Variants in EIF5B observed in about 807,000 individuals in gnomAD.
EIF5B encodes eukaryotic translation initiation factor 5B.
EIF5B carries 47 observed loss-of-function variants against 147.5 expected under a neutral mutation model. The ratio of observed to expected loss-of-function variants is 0.32; its 90% CI spans 0.25 to 0.41. The LOEUF (loss-of-function observed/expected upper bound fraction) is 0.41. EIF5B is among the 10% of genes least tolerant of loss of function. The pLI is 1.00. For synonymous variants in EIF5B, 455 were observed against 456.2 expected (o/e 1.00, Z 0.03); for missense variants, 1,064 against 1,413.2 (o/e 0.75, Z 3.96).
intron 8 of EIF5B, among the ~76,000 whole-genome samples, 158 bp from the exon 9 acceptor site, chr2:99,371,498 A>G (rs1460485121): frequency 6.6e-6 from 1 of 152,182 alleles, no homozygotes; most frequent in East Asian, 1.9e-4. Flanking sequence ...CAAAAAAAAA[A>G]AAAAAAAGAT....
At chr2:99,393,181 C>A (rs1574941698) in intron 18 of EIF5B, 83 bp downstream of exon 18, 1 of 1,270,540 alleles carries the variant, frequency 7.9e-7, no homozygotes, top group Non-Finnish European at 1.0e-6. Flanking sequence ...GGGATGGTGA[C>A]CAAAACTGGC....
At chr2:99,339,706 C>T (rs1166972659) in intron 1 of EIF5B, among the ~76,000 whole-genome samples, 2 of 152,038 alleles carry the variant, frequency 1.3e-5, no homozygotes, top group South Asian at 2.1e-4. Flanking sequence ...TTTCCAGGCT[C>T]TTTCACAATA....
intron 3 of EIF5B, 117 bp downstream of exon 3, chr2:99,360,666 A>C: frequency 1.1e-6 from 1 of 887,686 alleles, no homozygotes; most frequent in Non-Finnish European, 1.6e-6. Flanking sequence ...GTTATTTAAA[A>C]GCTTCTATGA....
At chr2:99,379,479 T>C (rs549199342) in intron 12 of EIF5B, 51 bp downstream of exon 12, 6 of 1,397,138 alleles carry the variant, frequency 4.3e-6, no homozygotes, top group Admixed American at 3.9e-5. Flanking sequence ...AATTAAGATA[T>C]GAACTATTTC....
At chr2:99,377,847 A>G (rs146061613) in intron 10 of EIF5B, among the ~76,000 whole-genome samples, 125 of 152,278 alleles carry the variant, frequency 8.2e-4, no homozygotes, top group African/African-American at 2.9e-3. Context: ...ATTTTCTGAA[A>G]TTCACTCCAT....
At chr2:99,342,914 G>A (rs1196122666) in intron 1 of EIF5B, among the ~76,000 whole-genome samples, 1 of 151,886 alleles carries the variant, frequency 6.6e-6, no homozygotes, top group African/African-American at 2.4e-5. Flanking sequence ...GATTACAGGT[G>A]TGAGCCACTG....
At position 99,394,335 on chromosome 2, in the gene EIF5B, C is replaced by T; in HGVS notation, c.2949C>T (p.Val983=). The T allele has an allele frequency of 6.2e-7, 1 of 1,612,712 alleles. No individual in the cohort carries two copies. The highest frequency in any genetic ancestry group is 8.5e-7 in the Non-Finnish European group (1 of 1,179,582). ...AIKLEEKGVY[V]QASTLGSLEA... ...AATTAGAAGAAAAAGGAGTCTATGT[C>T]CAGGCATCTACACTGGGTTCTTTGG... The change falls in exon 19 of 24, where the codon GTC becomes GTT. Residue 983 remains valine, a synonymous_variant. Transcript: ENST00000289371.
In EIF5B at chr2:99,361,556, G is replaced by A. The variant is rs1221034258; in HGVS notation, c.655G>A (p.Asp219Asn). 1.9e-6 allele frequency: 3 copies of A among 1,613,102 alleles called. No individual in the cohort carries two copies. In the South Asian group the frequency reaches 3.3e-5, roughly 18 times the overall value. ...TAACATAGAAAGTGGGAATGAAGAT[G>A]ATGACGCCTCCTTCAAAATTAAGAC... ...GPNIESGNEDDDASFKIKTVA... is the reference protein window; with the variant it reads ...GPNIESGNEDNDASFKIKTVA... Residue 219 changes from aspartate to asparagine, a missense_variant, in exon 4 of 24, where the codon GAT becomes AAT. Physicochemically the swap from Asp to Asn is conservative, Grantham distance 23. Transcript: ENST00000289371.
At chr2:99,351,618 C>A (rs1047877152) in intron 1 of EIF5B, among the ~76,000 whole-genome samples, 2 of 152,078 alleles carry the variant, frequency 1.3e-5, no homozygotes, top group African/African-American at 4.8e-5. Context: ...TATCCAGTCT[C>A]AACACTTGGT....
intron 14 of EIF5B, 27 bp downstream of exon 14, chr2:99,382,948 C>T (rs769793088): frequency 9.7e-6 from 15 of 1,541,110 alleles, no homozygotes; most frequent in South Asian, 1.2e-5. Flanking sequence ...AAAAATTAAC[C>T]TAGGAAAACA....
intron 1 of EIF5B, among the ~76,000 whole-genome samples, chr2:99,346,516 A>G (rs745899563): frequency 5.3e-4 from 78 of 147,582 alleles, no homozygotes; most frequent in Non-Finnish European, 9.0e-5. Flanking sequence ...GTTAACTTCT[A>G]TGGAGTACAG....
rs1429125822 is a variant in EIF5B at position 99,401,005 on chromosome 2, A to T, written c.*1591A>T. The T allele has an allele frequency of 3.3e-6, 1 of 302,330 alleles. No individual in the cohort carries two copies. Among genetic ancestry groups the T allele is most frequent in the Non-Finnish European group, 6.2e-6 (1 of 160,984 alleles). 18.7% of individuals were successfully genotyped at this position (302,330 alleles called of 1,614,324 possible). A position where few individuals can be genotyped will look rare whatever the true frequency, so the allele number is the denominator to read the frequency against. On this transcript the variant is annotated 3_prime_UTR_variant, in exon 24 of 24. Transcript: ENST00000289371. ...ACACTTCACTGTAAAAATCCATAAAACTTTATAAACAAACATTTTGTAAAT... is the reference window on the plus strand; with the variant it reads ...ACACTTCACTGTAAAAATCCATAAATCTTTATAAACAAACATTTTGTAAAT...
chr2:99,371,602 A>T, intron 8 of EIF5B, 54 bp from the exon 9 acceptor site: 2 of 1,496,250 alleles, frequency 1.3e-6, no homozygotes, highest in Non-Finnish European at 1.8e-6. Context: ...TTTCTAAAAG[A>T]CCTTCATATT....
rs528722168 is a variant in EIF5B, at chr2:99,343,979, C to T, written c.35+6390C>T. ...TGTCGCCTAGGCTGGAGTGCAGTGGCGCAATCTCAGCTCACTGCAAGCTCC... is the reference window on the plus strand; with the variant it reads ...TGTCGCCTAGGCTGGAGTGCAGTGGTGCAATCTCAGCTCACTGCAAGCTCC... On this transcript the variant is annotated intron_variant, in intron 1 of 23. Transcript: ENST00000289371. Among the ~76,000 whole-genome samples, 7 of 150,216 alleles carry T rather than the reference C, an allele frequency of 4.7e-5. No homozygotes were observed. In the East Asian group the frequency reaches 1.0e-3, roughly 22 times the overall value.
intron 6 of EIF5B, among the ~76,000 whole-genome samples, chr2:99,365,985 T>A (rs1197843578): frequency 6.6e-6 from 1 of 152,220 alleles, no homozygotes; most frequent in Non-Finnish European, 1.5e-5. Flanking sequence ...AAAAATGTAC[T>A]CTCAGAGAGT....
chr2:99,368,972 G>A (rs1210853013), intron 7 of EIF5B, among the ~76,000 whole-genome samples: 2 of 152,190 alleles, frequency 1.3e-5, no homozygotes, highest in Non-Finnish European at 2.9e-5. Context: ...TTCTAAACTT[G>A]AAGAAATAGG....
intron 17 of EIF5B, among the ~76,000 whole-genome samples, chr2:99,392,655 T>C (rs191893020): frequency 1.3e-5 from 2 of 152,332 alleles, no homozygotes; most frequent in African/African-American, 4.8e-5. Flanking sequence ...ATTTCCTCCT[T>C]CGTGAGATGT....
chr2:99,359,016 T>C (rs1268136941), intron 1 of EIF5B, among the ~76,000 whole-genome samples: 3 of 152,194 alleles, frequency 2.0e-5, no homozygotes, highest in Non-Finnish European at 4.4e-5. Flanking sequence ...TCTTGTCATA[T>C]AATCTTTTAA....
At chr2:99,338,979 C>A (rs1357002287) in intron 1 of EIF5B, among the ~76,000 whole-genome samples, 2 of 131,390 alleles carry the variant, frequency 1.5e-5, no homozygotes, top group African/African-American at 5.4e-5. Flanking sequence ...TATATATATA[C>A]AAATATATAC....
Sources: allele counts gnomAD v4.1 joint callset (sites outside exome capture counted in the v4.1 genomes callset), GRCh38; gene constraint gnomAD v4.1.1; transcripts MANE v1.5; gene names NCBI Gene and HGNC (gene_info 2026-07-23, HGNC 2026-07-21).